FAM177B: variants seen among roughly 807,000 people sequenced by gnomAD.
FAM177B encodes the protein protein FAM177B.
FAM177B carries 16 observed loss-of-function variants against 16.1 expected under a neutral mutation model. The ratio of observed to expected loss-of-function variants is 0.99; its 90% CI spans 0.67 to 1.51. The LOEUF is 1.51. FAM177B is among the 40% of genes most tolerant of loss of function. The pLI is 0.00. For missense variants in FAM177B, 178 were observed against 183.7 expected, an observed-to-expected ratio of 0.97 and a Z score of 0.18; for synonymous variants, 56 against 59.9, an observed-to-expected ratio of 0.93 and a Z score of 0.30.
At chr1:222,746,954 A>G in intron 3 of FAM177B, 61 bp from the exon 4 acceptor site, 2 of 1,155,140 alleles carry the variant, frequency 1.7e-6, no homozygotes, top group Non-Finnish European at 2.6e-6. Flanking sequence ...CTACATTAAA[A>G]CAAATCTGCA....
intron 3 of FAM177B, 117 bp from the exon 4 acceptor site, chr1:222,746,898 T>G (rs1658823682): frequency 2.1e-6 from 2 of 930,464 alleles, no homozygotes; most frequent in Non-Finnish European, 1.7e-6. Flanking sequence ...TCTCTTCATC[T>G]GTGAGAGAGA....
intron 2 of FAM177B, among the ~76,000 whole-genome samples, chr1:222,745,561 G>A (rs1658756262): frequency 6.6e-6 from 1 of 152,168 alleles, no homozygotes; most frequent in Admixed American, 6.5e-5. Flanking sequence ...GGGCTGCAGT[G>A]AGCCATGATT....
intron 5 of FAM177B, among the ~76,000 whole-genome samples, 170 bp downstream of exon 5, chr1:222,749,732 CTT>C (rs982060392): frequency 6.6e-6 from 1 of 152,204 alleles, no homozygotes. Context: ...CCCAGGGACA[CTT>C]CTTCACATTT....
intron 2 of FAM177B, among the ~76,000 whole-genome samples, chr1:222,741,005 T>C (rs1407656537): frequency 6.6e-6 from 1 of 151,178 alleles, no homozygotes; most frequent in Admixed American, 6.6e-5. Flanking sequence ...GGGTTTGTTA[T>C]CCTGTTTACT....
chr1:222,749,630 G>A (rs1471056414), intron 5 of FAM177B, 68 bp downstream of exon 5: 3 of 915,948 alleles, frequency 3.3e-6, no homozygotes, highest in South Asian at 1.6e-5. Context: ...ATTTAGGCCA[G>A]TATAGAGAAG....
chr1:222,741,047 T>G (rs1463812006), intron 2 of FAM177B, among the ~76,000 whole-genome samples: 1 of 141,622 alleles, frequency 7.1e-6, no homozygotes, highest in Non-Finnish European at 1.5e-5. Flanking sequence ...TGCATCTTAC[T>G]TTTTGTTTTC....
intron 2 of FAM177B, among the ~76,000 whole-genome samples, chr1:222,746,292 A>G (rs1376492540): frequency 6.6e-6 from 1 of 152,244 alleles, no homozygotes; most frequent in Non-Finnish European, 1.5e-5. Context: ...CGTTAACAAA[A>G]GGTAAGAAAA....
rs1254233493 is a variant in FAM177B, at chr1:222,749,472, A to G, written c.249A>G (p.Glu83=). The G allele has an allele frequency of 4.4e-6, 7 of 1,601,282 alleles. No homozygotes were observed. The South Asian group carries it at 5.6e-5, about 13-fold the overall frequency. ...GCTCGTTCTTTCTTTTAGCATGTGAATTCCTTGGTGGAAGATTTGCTGTCT... is the reference window on the plus strand; with the variant it reads ...GCTCGTTCTTTCTTTTAGCATGTGAGTTCCTTGGTGGAAGATTTGCTGTCT... The part of the protein sequence containing the change: ...RIASTSFSTC[E]FLGGRFAVFF... Residue 83 remains glutamate (E), a synonymous_variant, in exon 5 of 6, where the codon GAA becomes GAG. Transcript: ENST00000445590.
At chr1:222,738,416 G>A (rs1417048340) in intron 2 of FAM177B, among the ~76,000 whole-genome samples, 4 of 151,798 alleles carry the variant, frequency 2.6e-5, no homozygotes, top group Non-Finnish European at 4.4e-5. Flanking sequence ...AAAGGTAGAG[G>A]TGCTCCCAAG....
intron 4 of FAM177B, chr1:222,749,128 T>C: frequency 2.1e-6 from 1 of 466,396 alleles, no homozygotes; most frequent in Non-Finnish European, 4.4e-6. Flanking sequence ...GTTTAGCCGG[T>C]ATGCATGGGG....
intron 4 of FAM177B, chr1:222,747,349 A>G (rs2125064816): frequency 2.7e-6 from 1 of 377,084 alleles, no homozygotes. Context: ...TAACCATACA[A>G]AACTGCTATA....
rs1248746797 is a variant in FAM177B, at chr1:222,750,018, G to A, written c.437G>A (p.Gly146Glu). 6.2e-7 allele frequency: 1 copy of A among 1,613,980 alleles called. No individual in the cohort carries two copies. The highest frequency in any genetic ancestry group is 8.5e-7 in the Non-Finnish European group (1 of 1,179,978). ...CHLEAGVQEY[G>E]TIQQDVTEAI... is the part of the protein sequence containing the mutation. ...TTGGAGGCTGGGGTCCAAGAGTATG[G>A]AACCATACAACAGGATGTGACAGAG... Residue 146 changes from glycine (G) to glutamate (E), a missense_variant, in exon 6 of 6, where the codon GGA (glycine) becomes GAA (glutamate). Transcript: ENST00000445590.
At chr1:222,745,806 C>T (rs1002628264) in intron 2 of FAM177B, among the ~76,000 whole-genome samples, 3 of 152,154 alleles carry the variant, frequency 2.0e-5, no homozygotes, top group Non-Finnish European at 4.4e-5. Flanking sequence ...CCCAGCTACT[C>T]AGGAGGCAGA....
At chr1:222,738,618 G>T (rs4282830) in intron 2 of FAM177B, among the ~76,000 whole-genome samples, 75,463 of 143,048 alleles carry the variant, frequency 0.53, 22,902 homozygotes, top group Non-Finnish European at 0.68. Flanking sequence ...GGAGGTCGAG[G>T]TTGCACCACT....
chr1:222,746,770 G>A, intron 3 of FAM177B, 51 bp downstream of exon 3: 1 of 1,415,964 alleles, frequency 7.1e-7, no homozygotes, highest in Admixed American at 2.1e-5. Context: ...GGCGGTGAAT[G>A]AACAAGAGAT....
intron 2 of FAM177B, among the ~76,000 whole-genome samples, chr1:222,743,786 T>C (rs539593453): frequency 6.6e-6 from 1 of 152,310 alleles, no homozygotes; most frequent in South Asian, 2.1e-4. Flanking sequence ...TACCTTAGTT[T>C]TATGCAGGTG....
intron 2 of FAM177B, among the ~76,000 whole-genome samples, chr1:222,740,825 G>A (rs1226142242): frequency 4.0e-5 from 6 of 151,752 alleles, no homozygotes; most frequent in Non-Finnish European, 8.8e-5. Flanking sequence ...TCAGCCTCCC[G>A]AGTAGCTGGG....
At chr1:222,743,506 T>C (rs949236384) in intron 2 of FAM177B, among the ~76,000 whole-genome samples, 5 of 152,144 alleles carry the variant, frequency 3.3e-5, no homozygotes, top group African/African-American at 1.2e-4. Context: ...TGTTGAATTA[T>C]TCCTCCAAGG....
chr1:222,750,136 T>A lies in FAM177B; in HGVS notation c.*78T>A, dbSNP rs1658990432. On this transcript the variant is annotated 3_prime_UTR_variant, in exon 6 of 6. Transcript: ENST00000445590. Reference sequence around the variant, plus strand: ...AAAGACTGCAGTTTCCCTGGATCTGTTCCTTGGCCATTGATTACCATGGCA... The same window carrying A: ...AAAGACTGCAGTTTCCCTGGATCTGATCCTTGGCCATTGATTACCATGGCA... 1.3e-6 allele frequency: 2 copies of A among 1,554,400 alleles called. No individual in the cohort carries two copies. The highest frequency in any genetic ancestry group is 1.7e-6 in the Non-Finnish European group (2 of 1,154,954).
Sources: gnomAD v4.1 joint callset for allele counts (sites outside exome capture counted in the v4.1 genomes callset) on GRCh38, gnomAD v4.1.1 for gene constraint, MANE v1.5 for transcripts, NCBI Gene and HGNC (gene_info 2026-07-23, HGNC 2026-07-21) for gene names.